The following LRP1B variants were observed in gnomAD, a reference collection of about 807,000 sequenced individuals.
LRP1B encodes the protein low-density lipoprotein receptor-related protein 1B.
LRP1B carries 217 observed loss-of-function variants against 556.6 expected under a neutral mutation model. The observed-to-expected ratio is 0.39, with a 90% CI of 0.35 to 0.44. LRP1B has a LOEUF of 0.44. Ranked by LOEUF, LRP1B falls within the 20% of genes least tolerant of loss-of-function variation. The pLI, the probability that LRP1B is intolerant of heterozygous loss-of-function variation, is 1.00. For missense variants in LRP1B, 5,053 were observed against 5,620.8 expected, an observed-to-expected ratio of 0.90 and a Z score of 3.23; for synonymous variants, 2,047 against 1,865.8, an observed-to-expected ratio of 1.10 and a Z score of -2.50.
At chr2:141,500,755 A>G (rs1222306870) in intron 2 of LRP1B, among the ~76,000 whole-genome samples, 3 of 152,122 alleles carry the variant, frequency 2.0e-5, no homozygotes, top group African/African-American at 7.2e-5. Flanking sequence ...AACTAGGTGT[A>G]TATAACAAGG....
chr2:142,008,667 G>A (rs952622645), intron 1 of LRP1B, among the ~76,000 whole-genome samples: 2 of 151,846 alleles, frequency 1.3e-5, no homozygotes, highest in African/African-American at 4.8e-5. Flanking sequence ...CTGACTAACT[G>A]TGGGTGACTT....
Position 141,318,543 on chromosome 2 carries a change from C to T in LRP1B, c.344-63902G>A, listed in dbSNP as rs563781915. ...AATATGTACAGAAATCTTCAGTTAT[C>T]TCTCATGTGTCTCTTTCAGACTGGC... On this transcript the variant is annotated intron_variant, in intron 3 of 90. Transcript: ENST00000389484. Among the ~76,000 whole-genome samples the T allele has an allele frequency of 2.0e-5, 3 of 152,148 alleles. No individual in the cohort carries two copies. The East Asian group carries it at 5.8e-4, about 29-fold the overall frequency.
intron 7 of LRP1B, among the ~76,000 whole-genome samples, chr2:141,174,568 T>C (rs1323150075): frequency 3.9e-5 from 6 of 152,108 alleles, no homozygotes; most frequent in Non-Finnish European, 8.8e-5. Context: ...CCTTCTACTA[T>C]GATTGTAAGT....
chr2:141,671,575 G>C (rs1468434233), intron 2 of LRP1B, among the ~76,000 whole-genome samples: 1 of 152,178 alleles, frequency 6.6e-6, no homozygotes, highest in Non-Finnish European at 1.5e-5. Context: ...TGTTGGTAGT[G>C]TGAGAGTTGG....
In LRP1B at chr2:141,873,465, A is replaced by G. The variant is rs377551908; in HGVS notation, c.83-63064T>C. ...TGGGAATCAGAGTTCTCATCATGGGAGAAGAGAAATAGAAATGAGATGGGG... is the reference window on the plus strand; with the variant it reads ...TGGGAATCAGAGTTCTCATCATGGGGGAAGAGAAATAGAAATGAGATGGGG... On this transcript the variant is annotated intron_variant, in intron 1 of 90. Transcript: ENST00000389484. Among the ~76,000 whole-genome samples the G allele has an allele frequency of 3.1e-3, 475 of 152,090 alleles. 7 individuals are homozygous for G. Among genetic ancestry groups the G allele is most frequent in the African/African-American group, 0.011 (464 of 41,536 alleles).
chr2:140,622,063 T>G (rs1683477544), intron 41 of LRP1B, among the ~76,000 whole-genome samples: 1 of 152,244 alleles, frequency 6.6e-6, no homozygotes, highest in Non-Finnish European at 1.5e-5. Context: ...ATTTATTTAC[T>G]TCATCAAATT....
rs928877999 is a variant in LRP1B, at chr2:140,907,918, T to C, written c.3479A>G (p.Lys1160Arg). ...CLQPEKLCNGKKDCPDGSDEG... is the reference protein window; with the variant it reads ...CLQPEKLCNGRKDCPDGSDEG... ...ATCAGAGCCATCAGGACAATCCTTT[T>C]TCCCATTGCAGAGTTTCTCTGGCTG... The change falls in exon 22 of 91, where the codon AAA (lysine) becomes AGA (arginine). Residue 1160 changes from lysine to arginine, a missense_variant. By Grantham distance (26) the Lys-to-Arg change is conservative. Transcript: ENST00000389484. 32 of 1,613,472 alleles carry C rather than the reference T, an allele frequency of 2.0e-5. No homozygotes were observed. The highest frequency in any genetic ancestry group is 2.4e-5 in the Non-Finnish European group (28 of 1,179,666).
chr2:140,766,845 T>TA (rs1559106296), intron 35 of LRP1B, among the ~76,000 whole-genome samples: 46 of 42,070 alleles, frequency 1.1e-3, no homozygotes, highest in African/African-American at 5.9e-3. Context: ...ATATATATAT[T>TA]ATATATATAT....
intron 3 of LRP1B, among the ~76,000 whole-genome samples, chr2:141,468,829 C>T (rs901939295): frequency 1.3e-5 from 2 of 152,112 alleles, no homozygotes; most frequent in Admixed American, 6.6e-5. Context: ...GTAAAAATTG[C>T]TCTTTAGGGC....
chr2:141,112,232 T>C (rs189972127), intron 7 of LRP1B, among the ~76,000 whole-genome samples: 238 of 152,278 alleles, frequency 1.6e-3, no homozygotes, highest in African/African-American at 5.4e-3. Context: ...TGGTCATTCA[T>C]GAACATGCTC....
chr2:141,435,597 G>T (rs933904923), intron 3 of LRP1B, among the ~76,000 whole-genome samples: 5 of 152,196 alleles, frequency 3.3e-5, no homozygotes, highest in Non-Finnish European at 7.3e-5. Flanking sequence ...ACCCTGCACT[G>T]GTGCAGGAGG....
intron 3 of LRP1B, among the ~76,000 whole-genome samples, chr2:141,351,077 C>A (rs1189950529): frequency 6.6e-6 from 1 of 151,938 alleles, no homozygotes; most frequent in Non-Finnish European, 1.5e-5. Flanking sequence ...ATTTTTATGG[C>A]TACTTTCAGA....
chr2:140,450,775 T>C (rs1686853274), intron 62 of LRP1B, 114 bp from the exon 63 acceptor site: 1 of 652,632 alleles, frequency 1.5e-6, no homozygotes, highest in Non-Finnish European at 2.6e-6. Context: ...ATGTGAACAA[T>C]GGTGATTTTG....
chr2:140,324,701 CTG>C (rs377756821), intron 80 of LRP1B, among the ~76,000 whole-genome samples: 22 of 151,826 alleles, frequency 1.4e-4, no homozygotes, highest in African/African-American at 4.1e-4. Context: ...ACTTTTGAAA[CTG>C]AAATTTATAA....
In LRP1B at chr2:141,260,078, G is replaced by A. The variant is rs896267311; in HGVS notation, c.344-5437C>T. On this transcript the variant is annotated intron_variant, in intron 3 of 90. Coordinates refer to ENST00000389484, the MANE Select transcript of LRP1B (RefSeq NM_018557.3). Reference sequence around the variant, plus strand: ...TGTGACATGACTCGGTTGTAGTTTTGTCATCTCTTGATGTCTCCTGGAGAA... The same window carrying A: ...TGTGACATGACTCGGTTGTAGTTTTATCATCTCTTGATGTCTCCTGGAGAA... 4.6e-5 allele frequency among the ~76,000 whole-genome samples: 7 copies of A among 151,954 alleles called. No homozygotes were observed. The East Asian group carries it at 5.8e-4, about 13-fold the overall frequency.
intron 66 of LRP1B, among the ~76,000 whole-genome samples, chr2:140,434,172 C>T (rs1196900692): frequency 2.0e-5 from 3 of 151,984 alleles, no homozygotes; most frequent in South Asian, 2.1e-4. Context: ...TGGGTTCAAA[C>T]GATTCTCCTG....
rs1440954438 is a variant in LRP1B, at chr2:141,639,421, TA to T, written c.206-158889del. ...ATATATATATGTGTATATATATATA[TA>T]TTTTTTTTTGAGACAGAGTCTCACT... On this transcript the variant is annotated intron_variant, in intron 2 of 90. Transcript: ENST00000389484. Among the ~76,000 whole-genome samples, 99 of 136,660 alleles carry T rather than the reference TA, an allele frequency of 7.2e-4. 3 individuals are homozygous for T. Among genetic ancestry groups the T allele is most frequent in the Admixed American group, 6.0e-3 (80 of 13,250 alleles). The allele number at this position is 136,660 out of a possible 152,430, so 89.7% of individuals were successfully genotyped here.
intron 65 of LRP1B, among the ~76,000 whole-genome samples, 170 bp from the exon 66 acceptor site, chr2:140,442,793 C>T (rs1418770245): frequency 6.6e-6 from 1 of 152,066 alleles, no homozygotes; most frequent in Non-Finnish European, 1.5e-5. Context: ...TTGAGATACT[C>T]CTGATATCCT....
chr2:141,731,573 A>G (rs1417157865), intron 2 of LRP1B, among the ~76,000 whole-genome samples: 2 of 152,228 alleles, frequency 1.3e-5, no homozygotes, highest in East Asian at 1.9e-4. Context: ...TTTGTCTTAC[A>G]CTTTCACAGC....
Sources: allele counts gnomAD v4.1 joint callset (sites outside exome capture counted in the v4.1 genomes callset), GRCh38; gene constraint gnomAD v4.1.1; transcripts MANE v1.5; gene names NCBI Gene and HGNC (gene_info 2026-07-23, HGNC 2026-07-21).